FBXL7: variants seen among roughly 807,000 people sequenced by gnomAD.
FBXL7 encodes F-box and leucine rich repeat protein 7, also known as F-box/LRR-repeat protein 7.
FBXL7 carries 12 observed loss-of-function variants against 38.3 expected under a neutral mutation model. That is an observed-to-expected ratio of 0.31 (90% CI 0.20 to 0.51). The LOEUF (loss-of-function observed/expected upper bound fraction) is 0.51, where lower values mean the gene tolerates loss of function less well. Among genes scored for constraint, FBXL7 ranks in the 20% least tolerant of loss-of-function variants. The pLI, the probability that FBXL7 is intolerant of heterozygous loss-of-function variation, is 0.98. For synonymous variants in FBXL7, 297 were observed against 300.9 expected (o/e 0.99, Z 0.13); for missense variants, 567 against 676.4 (o/e 0.84, Z 1.79).
chr5:15,759,644 G>T (rs998510924), intron 2 of FBXL7, among the ~76,000 whole-genome samples: 2 of 152,172 alleles, frequency 1.3e-5, no homozygotes, highest in African/African-American at 4.8e-5. Context: ...TTTGTGAGAT[G>T]TTTATATTGT....
At chr5:15,568,702 C>A (rs1444249276) in intron 1 of FBXL7, among the ~76,000 whole-genome samples, 1 of 152,054 alleles carries the variant, frequency 6.6e-6, no homozygotes, top group Non-Finnish European at 1.5e-5. Context: ...AGGTTTTCTT[C>A]TAGGGTTTTT....
chr5:15,898,672 A>C (rs1200309564), intron 2 of FBXL7, among the ~76,000 whole-genome samples: 2 of 152,206 alleles, frequency 1.3e-5, no homozygotes, highest in Non-Finnish European at 2.9e-5. Context: ...ACAGTTCTTC[A>C]CCTGAAATAG....
At chr5:15,752,588 A>AT (rs562919368) in intron 2 of FBXL7, among the ~76,000 whole-genome samples, 248 of 152,316 alleles carry the variant, frequency 1.6e-3, no homozygotes, top group African/African-American at 5.6e-3. Flanking sequence ...AGGTGAGAAT[A>AT]TAGGATTTCA....
chr5:15,892,395 A>T (rs1397869928), intron 2 of FBXL7, among the ~76,000 whole-genome samples: 1 of 152,130 alleles, frequency 6.6e-6, no homozygotes, highest in Non-Finnish European at 1.5e-5. Flanking sequence ...GAGAGTTTTG[A>T]GCAGAGGCGG....
chr5:15,798,679 T>C (rs1044255095), intron 2 of FBXL7, among the ~76,000 whole-genome samples: 9 of 152,312 alleles, frequency 5.9e-5, no homozygotes, highest in Middle Eastern at 3.4e-3. Context: ...ATGTTACCTA[T>C]TCAAGAAAAT....
chr5:15,838,396 G>A (rs1308987712), intron 2 of FBXL7, among the ~76,000 whole-genome samples: 2 of 152,056 alleles, frequency 1.3e-5, no homozygotes, highest in Non-Finnish European at 2.9e-5. Flanking sequence ...TTTTATAAGA[G>A]CACTAATCCC....
At chr5:15,553,999 A>C (rs1738161003) in intron 1 of FBXL7, among the ~76,000 whole-genome samples, 1 of 152,226 alleles carries the variant, frequency 6.6e-6, no homozygotes, top group Admixed American at 6.5e-5. Flanking sequence ...CACTGATCCA[A>C]GAGTCACCAG....
At chr5:15,881,873 G>C (rs1740466856) in intron 2 of FBXL7, among the ~76,000 whole-genome samples, 1 of 152,156 alleles carries the variant, frequency 6.6e-6, no homozygotes, top group Admixed American at 6.5e-5. Flanking sequence ...AATTTATAAA[G>C]AAAAGAGGTC....
At chr5:15,729,243 G>T (rs1735509072) in intron 2 of FBXL7, among the ~76,000 whole-genome samples, 1 of 152,056 alleles carries the variant, frequency 6.6e-6, no homozygotes, top group Admixed American at 6.5e-5. Flanking sequence ...TCATATATTT[G>T]GGTGTCAGTT....
intron 1 of FBXL7, among the ~76,000 whole-genome samples, chr5:15,547,361 T>A (rs1737942452): frequency 6.6e-6 from 1 of 152,192 alleles, no homozygotes; most frequent in South Asian, 2.1e-4. Flanking sequence ...GCTTAGCAGC[T>A]GTGGGTGTGA....
intron 1 of FBXL7, among the ~76,000 whole-genome samples, chr5:15,603,535 G>A (rs1314786067): frequency 1.3e-5 from 2 of 152,166 alleles, no homozygotes; most frequent in Non-Finnish European, 2.9e-5. Flanking sequence ...CTGGCTCCAT[G>A]CCCTCCAGTG....
intron 2 of FBXL7, among the ~76,000 whole-genome samples, chr5:15,619,100 T>G (rs1250882362): frequency 1.3e-5 from 2 of 152,168 alleles, no homozygotes; most frequent in East Asian, 1.9e-4. Flanking sequence ...CGCGGAGCCC[T>G]CTTTACCCTT....
At chr5:15,502,335 T>A (rs1256621728) in intron 1 of FBXL7, among the ~76,000 whole-genome samples, 2 of 148,886 alleles carry the variant, frequency 1.3e-5, no homozygotes, top group African/African-American at 4.9e-5. Flanking sequence ...TTGTGCAGTG[T>A]GTGGTATATG....
In FBXL7 at chr5:15,936,052, G is replaced by A. The variant is rs1329625103; in HGVS notation, c.740-398G>A. Among the ~76,000 whole-genome samples the A allele has an allele frequency of 6.6e-6, 1 of 152,114 alleles. No individual in the cohort carries two copies. The highest frequency in any genetic ancestry group is 1.9e-4 in the East Asian group (1 of 5,174). ...TACTGAGCTCCTGGAACTTTCCAGG[G>A]CCAAGGCAAGATATTTACACACATC... On this transcript the variant is annotated intron_variant, in intron 3 of 3. Transcript: ENST00000504595. The surrounding 1 kb of genome is among the most constrained non-coding windows in gnomAD (Gnocchi z 6.0).
At chr5:15,759,215 T>C (rs1289408091) in intron 2 of FBXL7, among the ~76,000 whole-genome samples, 1 of 152,196 alleles carries the variant, frequency 6.6e-6, no homozygotes, top group East Asian at 1.9e-4. Flanking sequence ...GAATGCTGTG[T>C]TAATATAATT....
intron 2 of FBXL7, among the ~76,000 whole-genome samples, chr5:15,804,602 C>T (rs1050055837): frequency 7.2e-5 from 11 of 152,192 alleles, no homozygotes; most frequent in African/African-American, 2.7e-4. Context: ...CCCTAGGCCG[C>T]AGACCAGTAC....
chr5:15,866,750 G>T (rs534426288), intron 2 of FBXL7, among the ~76,000 whole-genome samples: 1 of 146,208 alleles, frequency 6.8e-6, no homozygotes, highest in Non-Finnish European at 1.5e-5. Context: ...TTATAAGTGA[G>T]AATATGCGGT....
At chr5:15,522,845 A>G (rs1331625405) in intron 1 of FBXL7, among the ~76,000 whole-genome samples, 2 of 152,242 alleles carry the variant, frequency 1.3e-5, no homozygotes, top group African/African-American at 4.8e-5. Context: ...TTCTTACAAC[A>G]TTCTAGCAAA....
At chr5:15,859,590 G>T (rs1739389445) in intron 2 of FBXL7, among the ~76,000 whole-genome samples, 1 of 152,156 alleles carries the variant, frequency 6.6e-6, no homozygotes, top group Non-Finnish European at 1.5e-5. Context: ...TCGCATGGCG[G>T]CAGACAAGAG....
Sources: allele counts gnomAD v4.1 joint callset (sites outside exome capture counted in the v4.1 genomes callset), GRCh38; gene constraint gnomAD v4.1.1; non-coding constraint Gnocchi (gnomAD v3.1); transcripts MANE v1.5; gene names NCBI Gene and HGNC (gene_info 2026-07-23, HGNC 2026-07-21).